EGFLAM: variants seen among roughly 807,000 people sequenced by gnomAD.
EGFLAM encodes pikachurin.
Under a neutral mutation model 113.1 loss-of-function variants are expected in EGFLAM, and 79 were observed. The observed-to-expected ratio is 0.70, with a 90% confidence interval of 0.58 to 0.84. The LOEUF is 0.84. EGFLAM is among the 40% of genes least tolerant of loss of function. The pLI is 0.00. For missense variants in EGFLAM, 1,265 were observed against 1,291.6 expected (o/e 0.98, Z 0.32); for synonymous variants, 504 against 487.6 (o/e 1.03, Z -0.44).
intron 1 of EGFLAM, among the ~76,000 whole-genome samples, chr5:38,299,298 T>C (rs1758517618): frequency 6.6e-6 from 1 of 152,222 alleles, no homozygotes; most frequent in Non-Finnish European, 1.5e-5. Flanking sequence ...CTTGTTCTCA[T>C]TTACCTAAAA....
intron 6 of EGFLAM, among the ~76,000 whole-genome samples, chr5:38,390,916 G>A (rs1740789914): frequency 6.6e-6 from 1 of 151,968 alleles, no homozygotes; most frequent in Admixed American, 6.6e-5. Context: ...AGCCAATCAT[G>A]TGTTGCAGGT....
intron 1 of EGFLAM, among the ~76,000 whole-genome samples, chr5:38,268,114 A>G (rs1194039154): frequency 6.6e-6 from 1 of 152,154 alleles, no homozygotes; most frequent in African/African-American, 2.4e-5. Context: ...TTTTTCCATT[A>G]GAATATTGAT....
intron 5 of EGFLAM, among the ~76,000 whole-genome samples, chr5:38,360,728 C>G (rs1561293438): frequency 2.0e-5 from 3 of 152,168 alleles, no homozygotes; most frequent in South Asian, 2.1e-4. Context: ...AGTGCTCAAT[C>G]AATGCAAACT....
intron 19 of EGFLAM, among the ~76,000 whole-genome samples, chr5:38,452,835 G>A (rs1301970639): frequency 3.3e-5 from 5 of 152,210 alleles, no homozygotes; most frequent in Non-Finnish European, 7.3e-5. Flanking sequence ...AATTTAGACT[G>A]TTTCCAAATT....
chr5:38,442,882 A>G (rs1273853751), intron 17 of EGFLAM, among the ~76,000 whole-genome samples: 1 of 152,228 alleles, frequency 6.6e-6, no homozygotes, highest in East Asian at 1.9e-4. Flanking sequence ...ATGGCTAAAG[A>G]AGCAGCTTAG....
chr5:38,328,981 G>T (rs1195546521), intron 1 of EGFLAM, among the ~76,000 whole-genome samples: 1 of 151,810 alleles, frequency 6.6e-6, no homozygotes, highest in Non-Finnish European at 1.5e-5. Flanking sequence ...GCTTAGAAAG[G>T]TTCTTCCTCT....
intron 3 of EGFLAM, among the ~76,000 whole-genome samples, chr5:38,339,846 C>T (rs1739290768): frequency 6.6e-6 from 1 of 152,100 alleles, no homozygotes; most frequent in African/African-American, 2.4e-5. Flanking sequence ...CTTTTAAGCT[C>T]AAAATAGACT....
chr5:38,367,449 C>T (rs1392044379), intron 5 of EGFLAM, among the ~76,000 whole-genome samples: 1 of 151,572 alleles, frequency 6.6e-6, no homozygotes, highest in African/African-American at 2.4e-5. Flanking sequence ...CGAGGTCTCA[C>T]TATGTTGCCC....
At chr5:38,388,927 A>G (rs1001072853) in intron 6 of EGFLAM, among the ~76,000 whole-genome samples, 1 of 137,526 alleles carries the variant, frequency 7.3e-6, no homozygotes, top group Non-Finnish European at 1.6e-5. Context: ...GAAAAAAAAA[A>G]AAAAACAAAA....
rs188039588 is a variant in EGFLAM, at chr5:38,433,725, A to G, written c.2167-1412A>G. The stretch of plus-strand genomic sequence containing the variant: ...TTCCATCTTATTTTAGCTTTTGTGT[A>G]AGAGCAATGACAAGAGAAAGATGCC... On this transcript the variant is annotated intron_variant, in intron 15 of 21. Transcript: ENST00000322350. Among the ~76,000 whole-genome samples the G allele has an allele frequency of 1.2e-3, 179 of 152,312 alleles. 2 individuals carry two copies. The highest frequency in any genetic ancestry group is 0.01 in the Middle Eastern group (3 of 294).
intron 20 of EGFLAM, among the ~76,000 whole-genome samples, chr5:38,462,283 C>G (rs1743307682): frequency 6.6e-6 from 1 of 152,160 alleles, no homozygotes; most frequent in African/African-American, 2.4e-5. Context: ...ATCCCAGCTC[C>G]CCATGGCTTC....
In EGFLAM at chr5:38,283,049, C is replaced by T. The variant is rs553164126; in HGVS notation, c.97+24198C>T. On this transcript the variant is annotated intron_variant, in intron 1 of 21. Coordinates refer to ENST00000322350, the MANE Select transcript of EGFLAM (RefSeq NM_152403.4). Reference sequence around the variant, plus strand: ...TTTGAATTTTTAGTAGAGACGAGGTCTCATTGTATTGCTCAGAGCTCAAGT... The same window carrying T: ...TTTGAATTTTTAGTAGAGACGAGGTTTCATTGTATTGCTCAGAGCTCAAGT... Among the ~76,000 whole-genome samples the T allele has an allele frequency of 2.6e-5, 4 of 152,244 alleles. No individual in the cohort carries two copies. The South Asian group carries it at 6.2e-4, about 24-fold the overall frequency.
intron 5 of EGFLAM, among the ~76,000 whole-genome samples, chr5:38,366,530 G>A (rs1436716596): frequency 2.6e-5 from 4 of 152,150 alleles, no homozygotes; most frequent in Non-Finnish European, 4.4e-5. Context: ...GCCACCTATG[G>A]GGTTTGATAG....
chr5:38,366,472 G>T (rs1740062316), intron 5 of EGFLAM, among the ~76,000 whole-genome samples: 1 of 152,178 alleles, frequency 6.6e-6, no homozygotes, highest in African/African-American at 2.4e-5. Flanking sequence ...TGTGATGGAT[G>T]CCTGGTTGAT....
chr5:38,308,955 A>C, intron 1 of EGFLAM, among the ~76,000 whole-genome samples: 1 of 152,216 alleles, frequency 6.6e-6, no homozygotes, highest in East Asian at 1.9e-4. Flanking sequence ...TGGTAGCTGT[A>C]TAGAATTAGG....
At chr5:38,429,521 T>C (rs1742121519) in intron 14 of EGFLAM, among the ~76,000 whole-genome samples, 1 of 152,194 alleles carries the variant, frequency 6.6e-6, no homozygotes, top group Non-Finnish European at 1.5e-5. Context: ...TTGCTAGAAA[T>C]ACAAATGCAA....
intron 6 of EGFLAM, among the ~76,000 whole-genome samples, chr5:38,376,072 G>A (rs1579839192): frequency 6.6e-6 from 1 of 151,242 alleles, no homozygotes; most frequent in South Asian, 2.1e-4. Flanking sequence ...TTTTTTCCCT[G>A]CAAGAAAGAA....
At chr5:38,336,024 G>GGTCC (rs1271914032) in intron 1 of EGFLAM, among the ~76,000 whole-genome samples, 1 of 152,108 alleles carries the variant, frequency 6.6e-6, no homozygotes, top group Non-Finnish European at 1.5e-5. Context: ...AGATAGACCT[G>GGTCC]GTCCCTGCCC....
intron 5 of EGFLAM, among the ~76,000 whole-genome samples, chr5:38,364,565 C>G (rs948579305): frequency 5.3e-5 from 8 of 152,068 alleles, no homozygotes; most frequent in Non-Finnish European, 1.2e-4. Context: ...TAAAGGTGCC[C>G]ATCTATATCC....
Sources: gnomAD v4.1 joint callset for allele counts (sites outside exome capture counted in the v4.1 genomes callset) on GRCh38, gnomAD v4.1.1 for gene constraint, MANE v1.5 for transcripts, NCBI Gene and HGNC (gene_info 2026-07-23, HGNC 2026-07-21) for gene names.